Variants in ATP10B observed in about 807,000 individuals in gnomAD.
ATP10B encodes the protein phospholipid-transporting ATPase VB.
Under a neutral mutation model 141.2 loss-of-function variants are expected in ATP10B, and 122 were observed. The ratio of observed to expected loss-of-function variants is 0.86; its 90% CI spans 0.75 to 1.00. The LOEUF is 1.00. Ranked by LOEUF, ATP10B falls within the 50% of genes least tolerant of loss-of-function variation. The pLI is 0.00. For synonymous variants in ATP10B, 685 were observed against 692.0 expected (o/e 0.99, Z 0.16); for missense variants, 1,876 against 1,825.3 (o/e 1.03, Z -0.51).
In ATP10B at chr5:160,778,977, C is replaced by T. The variant is rs191011384; in HGVS notation, c.-331+6582G>A. Among the ~76,000 whole-genome samples the T allele has an allele frequency of 3.9e-5, 6 of 152,120 alleles. No homozygotes were observed. In the East Asian group the frequency reaches 5.8e-4, roughly 15 times the overall value. Reference sequence around the variant, plus strand: ...TAGTAGTAGGCGTCTTAAGAGTGACCGTGGTAAAGAGGGAATGGAATGAAG... The same window carrying T: ...TAGTAGTAGGCGTCTTAAGAGTGACTGTGGTAAAGAGGGAATGGAATGAAG... On this transcript the variant is annotated intron_variant, in intron 2 of 25. Coordinates refer to ENST00000327245, the MANE Select transcript of ATP10B (RefSeq NM_025153.3).
At position 160,754,418 on chromosome 5, in the gene ATP10B, T is replaced by C. The variant is rs1330999705; in HGVS notation, c.-331+31141A>G. 4.6e-5 allele frequency among the ~76,000 whole-genome samples: 7 copies of C among 152,250 alleles called. No individual in the cohort carries two copies. The East Asian group carries it at 1.2e-3, about 25-fold the overall frequency. On this transcript the variant is annotated intron_variant, in intron 2 of 25. Transcript: ENST00000327245. ...CTGAAAAGTCAAAACAAATAAGCTT[T>C]CAGGACATGAAATCAGGGGTATAAA...
At chr5:160,718,603 G>A (rs1289713603) in intron 2 of ATP10B, among the ~76,000 whole-genome samples, 2 of 152,136 alleles carry the variant, frequency 1.3e-5, no homozygotes, top group African/African-American at 4.8e-5. Flanking sequence ...AGAAGACATA[G>A]GGAAAGGGTA....
intron 1 of ATP10B, among the ~76,000 whole-genome samples, chr5:160,810,279 T>G (rs188863026): frequency 6.6e-6 from 1 of 152,270 alleles, no homozygotes; most frequent in African/African-American, 2.4e-5. Flanking sequence ...TACCATGGTT[T>G]GCAATTTGAT....
At chr5:160,589,927 A>G (rs981176508) in intron 23 of ATP10B, among the ~76,000 whole-genome samples, 2 of 152,214 alleles carry the variant, frequency 1.3e-5, no homozygotes, top group African/African-American at 2.4e-5. Context: ...TTGTGAAACC[A>G]TTGTGGAATG....
At chr5:160,787,386 C>T (rs895307439) in intron 1 of ATP10B, among the ~76,000 whole-genome samples, 3 of 152,070 alleles carry the variant, frequency 2.0e-5, no homozygotes, top group African/African-American at 7.2e-5. Flanking sequence ...TGTTTTCAAC[C>T]CCTGCCCTAA....
Position 160,563,909 on chromosome 5 carries a change from G to A in ATP10B, c.*1544C>T, listed in dbSNP as rs986656381. The A allele has an allele frequency of 2.0e-5, 3 of 152,244 alleles. No individual in the cohort carries two copies. The highest frequency in any genetic ancestry group is 7.2e-5 in the African/African-American group (3 of 41,448). 9.4% of individuals were successfully genotyped at this position (152,244 alleles called of 1,614,324 possible). Reference sequence around the variant, plus strand: ...CCTCCAAATACCCACCAGCTGGCTAGTGCTGGCATCATTATATGGCAGAGG... The same window carrying A: ...CCTCCAAATACCCACCAGCTGGCTAATGCTGGCATCATTATATGGCAGAGG... On this transcript the variant is annotated 3_prime_UTR_variant, in exon 26 of 26. Transcript: ENST00000327245.
intron 3 of ATP10B, among the ~76,000 whole-genome samples, chr5:160,711,932 T>C (rs1431462754): frequency 1.9e-4 from 1 of 5,286 alleles, no homozygotes; most frequent in African/African-American, 8.1e-4. Context: ...TTTGTGTATA[T>C]TGAACCAGCC....
chr5:160,888,459 A>G, the ATP10B span, among the ~76,000 whole-genome samples: 1 of 152,212 alleles, frequency 6.6e-6, no homozygotes, highest in Non-Finnish European at 1.5e-5. Flanking sequence ...CGGCTTCTCT[A>G]AATGTTCCTC....
chr5:160,599,521 C>A (rs1756957186), intron 21 of ATP10B, among the ~76,000 whole-genome samples: 1 of 152,020 alleles, frequency 6.6e-6, no homozygotes, highest in Non-Finnish European at 1.5e-5. Flanking sequence ...GTACTTAGAC[C>A]AATGGCATGC....
At chr5:160,868,892 A>G in the ATP10B span, among the ~76,000 whole-genome samples, 2 of 152,162 alleles carry the variant, frequency 1.3e-5, no homozygotes, top group African/African-American at 4.8e-5. Flanking sequence ...ACAAGTATTT[A>G]CTTGCATTAA....
chr5:160,615,211 C>T (rs1757929725), intron 17 of ATP10B, among the ~76,000 whole-genome samples: 1 of 152,130 alleles, frequency 6.6e-6, no homozygotes. Flanking sequence ...CCTTTCCTGC[C>T]TTCCATCATT....
the ATP10B span, among the ~76,000 whole-genome samples, chr5:160,917,585 T>C: frequency 6.6e-6 from 1 of 152,130 alleles, no homozygotes; most frequent in Non-Finnish European, 1.5e-5. Context: ...AGGGCATTGA[T>C]CACCTAGAAG....
chr5:160,684,890 G>A (rs1402543868), intron 6 of ATP10B: 10 of 703,282 alleles, frequency 1.4e-5, no homozygotes, highest in East Asian at 2.7e-5. Flanking sequence ...TTGTACCTCC[G>A]GAGGTCTTCC....
At chr5:160,776,300 TG>T (rs1187689879) in intron 2 of ATP10B, among the ~76,000 whole-genome samples, 2 of 152,220 alleles carry the variant, frequency 1.3e-5, no homozygotes, top group African/African-American at 4.8e-5. Context: ...CTGCTACTTT[TG>T]GTCTTGGGCA....
At chr5:160,735,096 TAAA>T (rs749051676) in intron 2 of ATP10B, among the ~76,000 whole-genome samples, 1 of 128,484 alleles carries the variant, frequency 7.8e-6, no homozygotes. Context: ...AAGAGAAGAT[TAAA>T]AAAAAAAAAA....
chr5:160,755,201 G>A (rs1451279838), intron 2 of ATP10B, among the ~76,000 whole-genome samples: 1 of 152,150 alleles, frequency 6.6e-6, no homozygotes, highest in Non-Finnish European at 1.5e-5. Flanking sequence ...GGTGGCAGAA[G>A]AGACAGTGAA....
intron 19 of ATP10B, among the ~76,000 whole-genome samples, chr5:160,606,522 T>C (rs1466405728): frequency 3.3e-5 from 5 of 152,220 alleles, no homozygotes; most frequent in African/African-American, 4.8e-5. Context: ...CCTGTTGGTT[T>C]TGACCTCCAT....
chr5:160,896,978 G>C, the ATP10B span, among the ~76,000 whole-genome samples: 2 of 152,144 alleles, frequency 1.3e-5, no homozygotes, highest in Non-Finnish European at 2.9e-5. Flanking sequence ...AAATGCCTTT[G>C]ATAAAATTCA....
chr5:160,606,980 G>A lies in ATP10B; in HGVS notation c.2945C>T (p.Thr982Ile). Residue 982 changes from threonine to isoleucine, a missense_variant, in exon 19 of 26, where the codon ACA (threonine) becomes ATA (isoleucine). Transcript: ENST00000327245. ...CACAGCTTCTGAGGTGATGGATGGT[G>A]TCTTGGAAGGTAAGCGGAATCCAAA... The part of the protein sequence containing the change: ...KLFGFRLPSK[T>I]PSITSEAVVP... 6.2e-7 allele frequency: 1 copy of A among 1,614,180 alleles called. No homozygotes were observed. The highest frequency in any genetic ancestry group is 1.1e-5 in the South Asian group (1 of 91,086).
Sources: gnomAD v4.1 joint callset for allele counts (sites outside exome capture counted in the v4.1 genomes callset) on GRCh38, gnomAD v4.1.1 for gene constraint, MANE v1.5 for transcripts, NCBI Gene and HGNC (gene_info 2026-07-23, HGNC 2026-07-21) for gene names.